The following MEGF6 variants were observed in gnomAD, a reference collection of about 807,000 sequenced individuals.
MEGF6 encodes the protein multiple EGF like domains 6.
A neutral mutation model predicts 207.1 loss-of-function variants in MEGF6; 184 were observed. The observed-to-expected ratio is 0.89, with a 90% confidence interval of 0.79 to 1.00. The LOEUF is 1.00. MEGF6 is among the 50% of genes least tolerant of loss of function. The probability of loss-of-function intolerance (pLI) is 0.00; values close to 1 mark genes in which losing one functional copy is unlikely to be tolerated. For synonymous variants in MEGF6, 1,038 were observed against 910.0 expected (o/e 1.14, Z -2.53); for missense variants, 2,282 against 2,202.9 (o/e 1.04, Z -0.72).
At chr1:3,516,880 C>T (rs1366905156) in intron 5 of MEGF6, among the ~76,000 whole-genome samples, 1 of 152,180 alleles carries the variant, frequency 6.6e-6, no homozygotes, top group African/African-American at 2.4e-5. Flanking sequence ...TCCTGCCCCA[C>T]GTGTCCCTGG....
chr1:3,619,896 C>A, the MEGF6 span, among the ~76,000 whole-genome samples: 120,546 of 152,132 alleles, frequency 0.79, 47,916 homozygotes, highest in East Asian at 0.98. Context: ...AGACAGGAAG[C>A]TGTGGGAAAG....
intron 4 of MEGF6, among the ~76,000 whole-genome samples, chr1:3,553,420 C>G (rs1642944442): frequency 6.6e-6 from 1 of 152,164 alleles, no homozygotes; most frequent in Non-Finnish European, 1.5e-5. Context: ...CCGCCCCCCA[C>G]CAGCCCCAGG....
At chr1:3,622,238 T>C in the MEGF6 span, among the ~76,000 whole-genome samples, 3 of 151,604 alleles carry the variant, frequency 2.0e-5, no homozygotes, top group Non-Finnish European at 2.9e-5. Context: ...TGGTGGGAGG[T>C]GATTGGAGCA....
chr1:3,500,336 C>A (rs922119622), intron 21 of MEGF6, among the ~76,000 whole-genome samples: 4 of 152,242 alleles, frequency 2.6e-5, no homozygotes, highest in Non-Finnish European at 5.9e-5. Flanking sequence ...CCAAGTGAGC[C>A]TGGTGCAGGT....
intron 1 of MEGF6, among the ~76,000 whole-genome samples, chr1:3,607,878 C>T (rs1023862071): frequency 3.9e-5 from 6 of 152,202 alleles, no homozygotes; most frequent in African/African-American, 1.4e-4. Context: ...GCTGCGGGGT[C>T]CCTCCAGGGC....
In MEGF6 at chr1:3,571,586, G is replaced by A. The variant is rs368296984; in HGVS notation, c.481+8239C>T. ...TGGGTCTTCCCCCCAAGTGTGCTGG[G>A]TCCTTCCTGCATATGCTGGGTCATT... On this transcript the variant is annotated intron_variant, in intron 4 of 36. Coordinates refer to ENST00000356575, the MANE Select transcript of MEGF6 (RefSeq NM_001409.4). Among the ~76,000 whole-genome samples, 613 of 152,262 alleles carry A rather than the reference G, an allele frequency of 4.0e-3. 7 individuals carry two copies. Among genetic ancestry groups the A allele is most frequent in the African/African-American group, 0.014 (565 of 41,546 alleles).
Position 3,579,868 on chromosome 1 carries a change from C to A in MEGF6, c.438G>T (p.Pro146=), listed in dbSNP as rs377167762. The A allele has an allele frequency of 8.4e-5, 130 of 1,543,284 alleles. No individual in the cohort carries two copies. In the African/African-American group the frequency reaches 1.7e-3, roughly 20 times the overall value. The change falls in exon 4 of 37, where the codon CCG becomes CCT. Residue 146 remains proline, a synonymous_variant. Transcript: ENST00000356575. ...CCTGGAAGCCGGGGGGACAGTGACACGGCTGGGCTGAGCCTGGCACACAAC... is the reference window on the plus strand; with the variant it reads ...CCTGGAAGCCGGGGGGACAGTGACAAGGCTGGGCTGAGCCTGGCACACAAC... ...GGRCVPGSAQ[P]CHCPPGFQGP... is the part of the protein sequence containing the mutation.
At chr1:3,538,028 G>T (rs9970944) in intron 4 of MEGF6, among the ~76,000 whole-genome samples, 37,420 of 152,058 alleles carry the variant, frequency 0.25, 4,862 homozygotes, top group East Asian at 0.4. Flanking sequence ...GGCCCAGAAG[G>T]TACTAGAAGG....
At chr1:3,624,248 GC>G in the MEGF6 span, 1 of 152,554 alleles carries the variant, frequency 6.6e-6, no homozygotes, top group Non-Finnish European at 1.5e-5. Context: ...TCCGTTCACC[GC>G]CCCCCTCCAC....
intron 1 of MEGF6, among the ~76,000 whole-genome samples, chr1:3,605,501 C>T (rs1163786010): frequency 1.3e-5 from 2 of 151,860 alleles, no homozygotes; most frequent in Non-Finnish European, 2.9e-5. Flanking sequence ...CACATACACA[C>T]ACAATCACAC....
chr1:3,531,508 C>T (rs1467414519), intron 4 of MEGF6: 1 of 1,049,908 alleles, frequency 9.5e-7, no homozygotes, highest in African/African-American at 1.7e-5. Flanking sequence ...GGAGCCGCCC[C>T]CGGCCCCGCC....
chr1:3,549,095 T>C (rs973090515), intron 4 of MEGF6, among the ~76,000 whole-genome samples: 1 of 151,904 alleles, frequency 6.6e-6, no homozygotes, highest in African/African-American at 2.4e-5. Flanking sequence ...AGCTCTAACA[T>C]CCCCGTGGCT....
Position 3,526,545 on chromosome 1 carries a change from C to T in MEGF6, c.482-2299G>A, listed in dbSNP as rs1641971293. 1.3e-5 allele frequency among the ~76,000 whole-genome samples: 2 copies of T among 152,090 alleles called. 1 individual carries two copies. Among genetic ancestry groups the T allele is most frequent in the South Asian group, 4.1e-4 (2 of 4,828 alleles). On this transcript the variant is annotated intron_variant, in intron 4 of 36. Transcript: ENST00000356575. ...TCCTTAGTAGCTGGGATTACAGGCA[C>T]CCGCCACCACGCTCGGCTAATTTTT...
intron 2 of MEGF6, 34 bp downstream of exon 2, chr1:3,602,432 G>T: frequency 6.2e-7 from 1 of 1,612,594 alleles, no homozygotes; most frequent in South Asian, 1.1e-5. Context: ...TGTGTGAATG[G>T]AGCCCCTCCC....
chr1:3,538,872 C>T (rs1168085719), intron 4 of MEGF6, among the ~76,000 whole-genome samples: 1 of 152,182 alleles, frequency 6.6e-6, no homozygotes, highest in African/African-American at 2.4e-5. Flanking sequence ...GCAAGGCCAG[C>T]CCCACGCCCC....
intron 4 of MEGF6, among the ~76,000 whole-genome samples, chr1:3,546,579 CTGA>C (rs1642711580): frequency 7.4e-6 from 1 of 134,776 alleles, no homozygotes; most frequent in African/African-American, 2.8e-5. Flanking sequence ...AGGGAGGCCG[CTGA>C]GGCGGGGTGG....
chr1:3,605,660 TCACAAACTCA>T lies in MEGF6; in HGVS notation c.132-3070_132-3061del, dbSNP rs1237570999. On this transcript the variant is annotated intron_variant, in intron 1 of 36. Transcript: ENST00000356575. ...CTTCTGTACTCTCACGCATGCAAGC[TCACAAACTCA>T]CACACACTCGCACACACATATGCAC... is the stretch of plus-strand genomic sequence containing the variant. Among the ~76,000 whole-genome samples, 5 of 103,348 alleles carry T rather than the reference TCACAAACTCA, an allele frequency of 4.8e-5. No homozygotes were observed. The East Asian group carries it at 1.0e-3, about 22-fold the overall frequency. The allele number at this position is 103,348 out of a possible 152,430, so 67.8% of individuals were successfully genotyped here.
chr1:3,621,279 G>A, the MEGF6 span, among the ~76,000 whole-genome samples: 12 of 152,186 alleles, frequency 7.9e-5, no homozygotes, highest in African/African-American at 1.2e-4. Context: ...ACTAGACCAC[G>A]GTCCGCTTGG....
chr1:3,601,363 C>T (rs1033304639), intron 2 of MEGF6, among the ~76,000 whole-genome samples: 7 of 152,248 alleles, frequency 4.6e-5, no homozygotes, highest in Admixed American at 3.9e-4. Context: ...AGGGCAGGCC[C>T]GCATCCACGC....
Sources: allele counts gnomAD v4.1 joint callset (sites outside exome capture counted in the v4.1 genomes callset), GRCh38; gene constraint gnomAD v4.1.1; transcripts MANE v1.5; gene names NCBI Gene and HGNC (gene_info 2026-07-23, HGNC 2026-07-21).